The following GPATCH2 variants were observed in gnomAD, a reference collection of about 807,000 sequenced individuals.
GPATCH2 encodes G-patch domain containing 2, also known as G patch domain-containing protein 2.
A neutral mutation model predicts 58.0 loss-of-function variants in GPATCH2; 51 were observed. The observed-to-expected ratio is 0.88, with a 90% CI of 0.70 to 1.11. The LOEUF is 1.11. Ranked by LOEUF, GPATCH2 falls within the 50% of genes most tolerant of loss-of-function variation. The pLI, the probability that GPATCH2 is intolerant of heterozygous loss-of-function variation, is 0.00. For missense variants in GPATCH2, 625 were observed against 652.2 expected, an observed-to-expected ratio of 0.96 and a Z score of 0.45; for synonymous variants, 222 against 218.5, an observed-to-expected ratio of 1.02 and a Z score of -0.14.
At chr1:217,630,662 C>G (rs558776274) in intron 1 of GPATCH2, among the ~76,000 whole-genome samples, 1 of 152,310 alleles carries the variant, frequency 6.6e-6, no homozygotes, top group African/African-American at 2.4e-5. Context: ...TCCTGGAGTA[C>G]AGGAAGCTTG....
chr1:217,599,582 C>T (rs566596556), intron 5 of GPATCH2, among the ~76,000 whole-genome samples: 6 of 152,226 alleles, frequency 3.9e-5, no homozygotes, highest in Non-Finnish European at 5.9e-5. Context: ...TTTCTTTGCT[C>T]CCCTTTTCTC....
intron 5 of GPATCH2, among the ~76,000 whole-genome samples, chr1:217,549,475 C>A (rs1043406311): frequency 6.6e-6 from 1 of 152,094 alleles, no homozygotes; most frequent in Admixed American, 6.6e-5. Flanking sequence ...AGATTAGTAT[C>A]CCATGAGAAA....
intron 8 of GPATCH2, among the ~76,000 whole-genome samples, chr1:217,482,525 C>T (rs1181634032): frequency 6.6e-6 from 1 of 152,010 alleles, no homozygotes; most frequent in East Asian, 1.9e-4. Flanking sequence ...GCTGGAGCAA[C>T]CACTAAGAGG....
At chr1:217,442,568 A>C (rs1428584333) in intron 9 of GPATCH2, among the ~76,000 whole-genome samples, 1 of 152,202 alleles carries the variant, frequency 6.6e-6, no homozygotes, top group African/African-American at 2.4e-5. Flanking sequence ...TTAAGGTTTT[A>C]TTCTATTCAC....
chr1:217,604,061 C>CA (rs1398275803), intron 5 of GPATCH2, among the ~76,000 whole-genome samples: 2 of 152,106 alleles, frequency 1.3e-5, no homozygotes, highest in East Asian at 3.9e-4. Context: ...AAAAAAGTGT[C>CA]AGTTTCTGGC....
At chr1:217,433,374 ATATATATATATTTATTTATTTATT>A (rs149696892) in intron 9 of GPATCH2, among the ~76,000 whole-genome samples, 37,223 of 124,508 alleles carry the variant, frequency 0.3, 5,073 homozygotes, top group Middle Eastern at 0.45. Flanking sequence ...ATATATATAT[ATATATATATATTTATTTATTTATT>A]TATTTATTTA....
chr1:217,451,323 C>T (rs1659655445), intron 8 of GPATCH2, among the ~76,000 whole-genome samples: 1 of 152,188 alleles, frequency 6.6e-6, no homozygotes, highest in African/African-American at 2.4e-5. Flanking sequence ...TATTTTACAA[C>T]TCTACCTTGT....
At chr1:217,508,847 TTCTC>T in intron 6 of GPATCH2, among the ~76,000 whole-genome samples, 1 of 152,276 alleles carries the variant, frequency 6.6e-6, no homozygotes, top group South Asian at 2.1e-4. Flanking sequence ...AGTATTTCAT[TTCTC>T]TGTGCTACAT....
rs148621736 is a variant in GPATCH2 at position 217,628,191 on chromosome 1, C to T, written c.56+2725G>A. On this transcript the variant is annotated intron_variant, in intron 1 of 9. Transcript: ENST00000366935. ...AAAATAATCTGCCAGATGAGCAAACCAATGAATGACTAAATGACTGAACAA... is the reference window on the plus strand; with the variant it reads ...AAAATAATCTGCCAGATGAGCAAACTAATGAATGACTAAATGACTGAACAA... 4.3e-3 allele frequency among the ~76,000 whole-genome samples: 654 copies of T among 151,978 alleles called. 2 individuals are homozygous for T. Among genetic ancestry groups the T allele is most frequent in the Middle Eastern group, 0.014 (4 of 294 alleles).
intron 5 of GPATCH2, among the ~76,000 whole-genome samples, chr1:217,554,327 C>A (rs1665514467): frequency 6.6e-6 from 1 of 152,152 alleles, no homozygotes; most frequent in Admixed American, 6.5e-5. Context: ...CTAGCTAGGG[C>A]AACCTCATCC....
intron 5 of GPATCH2, among the ~76,000 whole-genome samples, chr1:217,517,903 T>C (rs988384258): frequency 2.6e-5 from 4 of 152,122 alleles, no homozygotes; most frequent in Non-Finnish European, 5.9e-5. Context: ...CTGTTCTTCA[T>C]GAGAAACAGT....
At chr1:217,442,140 C>T (rs1196553985) in intron 9 of GPATCH2, among the ~76,000 whole-genome samples, 1 of 152,148 alleles carries the variant, frequency 6.6e-6, no homozygotes, top group Non-Finnish European at 1.5e-5. Context: ...GGCACATATG[C>T]ACCATGGAAT....
chr1:217,628,661 A>G (rs1306173651), intron 1 of GPATCH2, among the ~76,000 whole-genome samples: 4 of 151,218 alleles, frequency 2.6e-5, no homozygotes, highest in African/African-American at 9.7e-5. Flanking sequence ...CTTTTTTTTA[A>G]GCAAAGCCAC....
At chr1:217,474,568 T>C (rs748643882) in intron 8 of GPATCH2, among the ~76,000 whole-genome samples, 1 of 151,776 alleles carries the variant, frequency 6.6e-6, no homozygotes, top group East Asian at 1.9e-4. Context: ...CCCTGAGGAG[T>C]TGAGGGTGAG....
chr1:217,528,722 C>T (rs1017116305), intron 5 of GPATCH2, among the ~76,000 whole-genome samples: 3 of 152,144 alleles, frequency 2.0e-5, no homozygotes, highest in Non-Finnish European at 4.4e-5. Context: ...GGTAAAAATG[C>T]TGCATTTGTG....
At chr1:217,591,121 A>T (rs1667569757) in intron 5 of GPATCH2, among the ~76,000 whole-genome samples, 1 of 152,212 alleles carries the variant, frequency 6.6e-6, no homozygotes. Context: ...GTGGTACAAA[A>T]GAAAGTAGAA....
chr1:217,616,258 A>G (rs559715248), intron 2 of GPATCH2, among the ~76,000 whole-genome samples: 30 of 152,316 alleles, frequency 2.0e-4, no homozygotes, highest in South Asian at 1.0e-3. Flanking sequence ...ACATACACAC[A>G]CGTGTACATT....
intron 5 of GPATCH2, among the ~76,000 whole-genome samples, chr1:217,520,300 AG>A (rs1055562588): frequency 4.6e-5 from 7 of 152,216 alleles, no homozygotes; most frequent in Non-Finnish European, 8.8e-5. Flanking sequence ...TCCATTCCTG[AG>A]GACAACTGAA....
At chr1:217,547,627 GC>G (rs891482077) in intron 5 of GPATCH2, among the ~76,000 whole-genome samples, 2 of 152,226 alleles carry the variant, frequency 1.3e-5, no homozygotes, top group African/African-American at 4.8e-5. Flanking sequence ...AAACTTAAAT[GC>G]CAATCAATAA....
Sources: allele counts gnomAD v4.1 joint callset (sites outside exome capture counted in the v4.1 genomes callset), GRCh38; gene constraint gnomAD v4.1.1; transcripts MANE v1.5; gene names NCBI Gene and HGNC (gene_info 2026-07-23, HGNC 2026-07-21).